LAMA4: variants seen among roughly 807,000 people sequenced by gnomAD.
LAMA4 encodes laminin subunit alpha 4.
A neutral mutation model predicts 207.1 loss-of-function variants in LAMA4; 127 were observed. The ratio of observed to expected loss-of-function variants is 0.61; its 90% CI spans 0.53 to 0.71. LAMA4 has a LOEUF of 0.71. LAMA4 is among the 30% of genes least tolerant of loss of function. LAMA4 has a pLI of 0.00. For missense variants in LAMA4, 2,093 were observed against 2,246.5 expected (o/e 0.93, Z 1.38); for synonymous variants, 761 against 816.0 (o/e 0.93, Z 1.15).
At chr6:112,119,349 A>C (rs1554325330) in intron 33 of LAMA4, 38 bp from the exon 34 acceptor site, 2 of 1,606,588 alleles carry the variant, frequency 1.2e-6, no homozygotes, top group South Asian at 1.1e-5. Context: ...TCTCAGGTAC[A>C]TTCCAAGATT....
At chr6:112,228,632 G>T (rs1281869126) in intron 2 of LAMA4, among the ~76,000 whole-genome samples, 1 of 152,204 alleles carries the variant, frequency 6.6e-6, no homozygotes, top group Non-Finnish European at 1.5e-5. Context: ...GATAAAGAAA[G>T]CCTGTTACAC....
intron 5 of LAMA4, among the ~76,000 whole-genome samples, chr6:112,194,995 A>G (rs1783328026): frequency 2.6e-5 from 4 of 152,154 alleles, no homozygotes; most frequent in African/African-American, 7.2e-5. Flanking sequence ...AAAATGGAAA[A>G]CCAAAAGATA....
At chr6:112,240,063 C>CA (rs1226693840) in intron 2 of LAMA4, among the ~76,000 whole-genome samples, 16 of 150,380 alleles carry the variant, frequency 1.1e-4, no homozygotes, top group African/African-American at 2.7e-4. Context: ...CTCAAAAAAA[C>CA]AAAAAAAAAG....
intron 11 of LAMA4, 114 bp downstream of exon 11, chr6:112,175,199 G>C: frequency 9.8e-7 from 1 of 1,024,848 alleles, no homozygotes; most frequent in Non-Finnish European, 1.5e-6. Flanking sequence ...AAATAGTTCT[G>C]AACACTGGAA....
chr6:112,227,005 G>T (rs974624687), intron 2 of LAMA4, among the ~76,000 whole-genome samples: 1 of 151,790 alleles, frequency 6.6e-6, no homozygotes, highest in Non-Finnish European at 1.5e-5. Context: ...AAAGGAGTGG[G>T]GATGAGACTG....
chr6:112,201,602 G>A lies in LAMA4; in HGVS notation c.503+6C>T, dbSNP rs1312623015. 2 of 1,610,292 alleles carry A rather than the reference G, an allele frequency of 1.2e-6. No homozygotes were observed. Among genetic ancestry groups the A allele is most frequent in the African/African-American group, 2.7e-5 (2 of 74,830 alleles). On this transcript the variant is annotated splice_donor_region_variant and intron_variant, in intron 5 of 38. Coordinates refer to ENST00000230538, the MANE Select transcript of LAMA4 (RefSeq NM_001105206.3). ...ACACAGAAAATAGAGAATTTTATTG[G>A]CTTACCTTTCACAGTTAGGTCCAGC...
At position 112,134,612 on chromosome 6, in the gene LAMA4, G is replaced by T. The variant is rs2114666342; in HGVS notation, c.3415-3C>A. 1 of 1,601,278 alleles carries T rather than the reference G, an allele frequency of 6.2e-7. No homozygotes were observed. The highest frequency in any genetic ancestry group is 8.5e-7 in the Non-Finnish European group (1 of 1,170,374). ...TCATTGTGGTAAATGATTGAGATCT[G>T]GGAGAGATAATATATAGTAAGCCTT... On this transcript the variant is annotated splice_polypyrimidine_tract_variant and splice_region_variant and intron_variant, in intron 25 of 38. Transcript: ENST00000230538.
At chr6:112,212,008 G>A (rs1276159436) in intron 3 of LAMA4, among the ~76,000 whole-genome samples, 3 of 152,050 alleles carry the variant, frequency 2.0e-5, no homozygotes, top group Non-Finnish European at 4.4e-5. Flanking sequence ...GCAGTGGGAA[G>A]GGATAGAAGA....
chr6:112,245,526 C>T (rs1241858214), intron 2 of LAMA4, among the ~76,000 whole-genome samples: 1 of 152,104 alleles, frequency 6.6e-6, no homozygotes, highest in African/African-American at 2.4e-5. Context: ...ACTTTTGATT[C>T]CTAGAGTCCT....
At chr6:112,239,086 C>T (rs1490269148) in intron 2 of LAMA4, among the ~76,000 whole-genome samples, 2 of 152,002 alleles carry the variant, frequency 1.3e-5, no homozygotes, top group East Asian at 1.9e-4. Context: ...TTTGGGAGAT[C>T]GAGGCAGGTG....
chr6:112,147,959 A>G (rs1190525719), intron 18 of LAMA4, among the ~76,000 whole-genome samples, 198 bp downstream of exon 18: 1 of 152,244 alleles, frequency 6.6e-6, no homozygotes, highest in Non-Finnish European at 1.5e-5. Flanking sequence ...AAATATATGT[A>G]TGTTTCTCAT....
chr6:112,196,729 A>AC (rs1783439927), intron 5 of LAMA4, among the ~76,000 whole-genome samples: 1 of 152,088 alleles, frequency 6.6e-6, no homozygotes, highest in African/African-American at 2.4e-5. Flanking sequence ...GGGGTGGGAG[A>AC]TTGGGGGTAA....
chr6:112,201,574 C>T (rs781898316), intron 5 of LAMA4, 34 bp downstream of exon 5: 16 of 1,549,012 alleles, frequency 1.0e-5, no homozygotes, highest in Non-Finnish European at 4.5e-6. Context: ...CTTCCTTTGA[C>T]CCACACAGAA....
chr6:112,164,523 G>A (rs1354823165), intron 13 of LAMA4, among the ~76,000 whole-genome samples: 6 of 152,146 alleles, frequency 3.9e-5, no homozygotes, highest in Non-Finnish European at 5.9e-5. Context: ...CATCCATATG[G>A]ATTTTGCTGT....
Position 112,191,709 on chromosome 6 carries a change from G to A in LAMA4, c.645C>T (p.Asn215=). The stretch of plus-strand genomic sequence containing the variant: ...AACGTTCACACTTGAATCCGGTGGT[G>A]TTGCGTAAGCAATTCCTACACTGGC... The part of the protein sequence containing the change: ...VTGQCRNCLR[N]TTGFKCERCA... The change falls in exon 6 of 39, where the codon AAC becomes AAT. Residue 215 remains asparagine, a synonymous_variant. Coordinates refer to ENST00000230538, the MANE Select transcript of LAMA4 (RefSeq NM_001105206.3). 1.9e-6 allele frequency: 3 copies of A among 1,614,114 alleles called. No homozygotes were observed. Among genetic ancestry groups the A allele is most frequent in the Non-Finnish European group, 8.5e-7 (1 of 1,179,992 alleles).
At chr6:112,163,487 G>A (rs1014195775) in intron 13 of LAMA4, among the ~76,000 whole-genome samples, 1 of 152,126 alleles carries the variant, frequency 6.6e-6, no homozygotes, top group African/African-American at 2.4e-5. Flanking sequence ...GGCCATGAGC[G>A]GTACCAGAGC....
chr6:112,165,063 C>T, intron 13 of LAMA4, 97 bp downstream of exon 13: 1 of 794,556 alleles, frequency 1.3e-6, no homozygotes, highest in East Asian at 2.4e-5. Context: ...AATGCCTGCT[C>T]ACTGGTTAGA....
At chr6:112,217,625 A>C (rs1333825105) in intron 2 of LAMA4, 3 of 152,340 alleles carry the variant, frequency 2.0e-5, no homozygotes, top group Non-Finnish European at 2.9e-5. Flanking sequence ...TTAAAAAAAA[A>C]CACACACATC....
chr6:112,156,564 G>A (rs782410112), intron 14 of LAMA4, among the ~76,000 whole-genome samples: 5 of 152,166 alleles, frequency 3.3e-5, no homozygotes, highest in Middle Eastern at 6.8e-3. Context: ...TCCGCAGTTC[G>A]TCTAAATCCT....
Sources: gnomAD v4.1 joint callset for allele counts (sites outside exome capture counted in the v4.1 genomes callset) on GRCh38, gnomAD v4.1.1 for gene constraint, MANE v1.5 for transcripts, NCBI Gene and HGNC (gene_info 2026-07-23, HGNC 2026-07-21) for gene names.